MICAL2: variants seen among roughly 807,000 people sequenced by gnomAD.
MICAL2 encodes the protein microtubule associated monooxygenase, calponin and LIM domain containing 2.
Under a neutral mutation model 127.3 loss-of-function variants are expected in MICAL2, and 77 were observed. The observed-to-expected ratio is 0.60, with a 90% CI of 0.50 to 0.73. The LOEUF is 0.73. Ranked by LOEUF, MICAL2 falls within the 30% of genes least tolerant of loss-of-function variation. The probability of loss-of-function intolerance (pLI) is 0.00; values close to 1 mark genes in which losing one functional copy is unlikely to be tolerated. For missense variants in MICAL2, 1,351 were observed against 1,434.4 expected (o/e 0.94, Z 0.94); for synonymous variants, 570 against 551.1 (o/e 1.03, Z -0.48).
At chr11:12,154,726 T>G (rs1564946) in intron 2 of MICAL2, among the ~76,000 whole-genome samples, 137,041 of 152,206 alleles carry the variant, frequency 0.9, 62,009 homozygotes, top group South Asian at 0.95. Flanking sequence ...GACTGCCTGA[T>G]ACTTGTTTGG....
At chr11:12,315,365 T>TA in intron 29 of MICAL2, among the ~76,000 whole-genome samples, 1 of 152,216 alleles carries the variant, frequency 6.6e-6, no homozygotes, top group Non-Finnish European at 1.5e-5. Context: ...TCTTACAAAT[T>TA]CTAATATGTT....
chr11:12,260,915 T>C, intron 26 of MICAL2: 2 of 985,466 alleles, frequency 2.0e-6, no homozygotes, highest in Non-Finnish European at 2.4e-6. Flanking sequence ...CATTTTCCCT[T>C]CCCACTAATG....
At chr11:12,332,580 G>T (rs1048860550) in intron 32 of MICAL2, among the ~76,000 whole-genome samples, 8 of 152,146 alleles carry the variant, frequency 5.3e-5, no homozygotes, top group Non-Finnish European at 1.2e-4. Flanking sequence ...CAGAGCAAGA[G>T]AGTTTATTAT....
intron 1 of MICAL2, among the ~76,000 whole-genome samples, chr11:12,115,890 G>A (rs1442872056): frequency 6.6e-6 from 1 of 151,990 alleles, no homozygotes; most frequent in African/African-American, 2.4e-5. Flanking sequence ...AGCACTATTG[G>A]GATTTCGATA....
chr11:12,258,620 C>A, intron 25 of MICAL2, 64 bp downstream of exon 25: 1 of 1,481,656 alleles, frequency 6.7e-7, no homozygotes, highest in Non-Finnish European at 9.4e-7. Context: ...TTCCAGTGAT[C>A]CTCAAAGTTA....
In MICAL2 at chr11:12,134,109, A is replaced by T. The variant is rs374537806; in HGVS notation, c.-148-4281A>T. Among the ~76,000 whole-genome samples, 237 of 152,274 alleles carry T rather than the reference A, an allele frequency of 1.6e-3. 2 individuals carry two copies. Among genetic ancestry groups the T allele is most frequent in the African/African-American group, 5.4e-3 (223 of 41,530 alleles). ...TGAGCCTCAGTTTCTTCACCTGGAAAATGGGTTGGATGATCATCCAGTTCC... is the reference window on the plus strand; with the variant it reads ...TGAGCCTCAGTTTCTTCACCTGGAATATGGGTTGGATGATCATCCAGTTCC... On this transcript the variant is annotated intron_variant, in intron 1 of 27. Transcript: ENST00000683283.
intron 29 of MICAL2, among the ~76,000 whole-genome samples, chr11:12,317,557 C>A (rs1221217420): frequency 2.0e-5 from 3 of 152,124 alleles, no homozygotes; most frequent in African/African-American, 7.2e-5. Context: ...CTTTGGGAGG[C>A]CGAGGCAAGT....
downstream of MICAL2, among the ~76,000 whole-genome samples, chr11:12,264,440 C>T (rs868673199): frequency 6.6e-6 from 1 of 152,202 alleles, no homozygotes; most frequent in Non-Finnish European, 1.5e-5. Context: ...CAGGCAACTC[C>T]AGGCTGTGTT....
At chr11:12,350,824 A>T (rs1348508331) in intron 33 of MICAL2, among the ~76,000 whole-genome samples, 1 of 152,218 alleles carries the variant, frequency 6.6e-6, no homozygotes, top group African/African-American at 2.4e-5. Context: ...TGGATGGCTT[A>T]CAACAGAAAT....
chr11:12,242,047 T>G, intron 18 of MICAL2, 167 bp from the exon 19 acceptor site: 1 of 571,242 alleles, frequency 1.8e-6, no homozygotes, highest in Admixed American at 3.3e-5. Flanking sequence ...GGCCAGACAA[T>G]TTTGATGCAG....
intron 4 of MICAL2, 122 bp downstream of exon 4, chr11:12,204,579 A>T (rs1003182464): frequency 1.1e-6 from 1 of 918,984 alleles, no homozygotes. Context: ...ACCATATATC[A>T]GACTAACAGA....
intron 30 of MICAL2, among the ~76,000 whole-genome samples, chr11:12,320,612 T>C (rs1864282316): frequency 6.6e-6 from 1 of 152,170 alleles, no homozygotes; most frequent in Admixed American, 6.5e-5. Flanking sequence ...TTCACTGCTC[T>C]GGTAGTGTTT....
At chr11:12,243,489 C>T (rs906285895) in intron 20 of MICAL2, 5 of 160,456 alleles carry the variant, frequency 3.1e-5, no homozygotes, top group African/African-American at 9.6e-5. Flanking sequence ...GTCTCCTCTT[C>T]TGCTACTTGG....
intron 30 of MICAL2, among the ~76,000 whole-genome samples, chr11:12,322,811 C>T (rs58307566): frequency 0.054 from 8,181 of 152,110 alleles, 357 homozygotes; most frequent in Admixed American, 0.11. Context: ...TAATAATATA[C>T]GAATGCTATA....
chr11:12,173,535 A>G (rs933623312), intron 3 of MICAL2, among the ~76,000 whole-genome samples: 1 of 152,210 alleles, frequency 6.6e-6, no homozygotes, highest in African/African-American at 2.4e-5. Flanking sequence ...AAATTGTGGT[A>G]AAATATGTTT....
At chr11:12,121,288 G>A (rs544722083) in intron 1 of MICAL2, among the ~76,000 whole-genome samples, 9 of 152,296 alleles carry the variant, frequency 5.9e-5, no homozygotes, top group African/African-American at 1.9e-4. Flanking sequence ...TAGGGCAGTC[G>A]AGGTGCTGAG....
chr11:12,332,256 G>A (rs949784850), intron 32 of MICAL2, among the ~76,000 whole-genome samples: 4 of 152,208 alleles, frequency 2.6e-5, no homozygotes, highest in African/African-American at 9.6e-5. Flanking sequence ...GTGAGTTAAA[G>A]GTTGTACCCT....
At chr11:12,169,433 T>C (rs1239540410) in intron 3 of MICAL2, among the ~76,000 whole-genome samples, 1 of 152,222 alleles carries the variant, frequency 6.6e-6, no homozygotes, top group African/African-American at 2.4e-5. Context: ...TCACCCAGGC[T>C]GGAGTGCAGT....
intron 1 of MICAL2, among the ~76,000 whole-genome samples, chr11:12,118,838 C>A (rs530278648): frequency 6.6e-6 from 1 of 152,324 alleles, no homozygotes; most frequent in East Asian, 1.9e-4. Context: ...CCTGGATATG[C>A]ACTCCAAAAT....
Sources: allele counts gnomAD v4.1 joint callset (sites outside exome capture counted in the v4.1 genomes callset), GRCh38; gene constraint gnomAD v4.1.1; transcripts MANE v1.5; gene names NCBI Gene and HGNC (gene_info 2026-07-23, HGNC 2026-07-21).